Variants in BANP observed in about 807,000 individuals in gnomAD.
BANP encodes protein BANP.
In BANP, 11 loss-of-function variants were observed where a neutral mutation model predicts 68.1. That is an observed-to-expected ratio of 0.16 (90% confidence interval 0.10 to 0.27). BANP has a LOEUF of 0.27. Among genes scored for constraint, BANP ranks in the 10% least tolerant of loss-of-function variants. The pLI, the probability that BANP is intolerant of heterozygous loss-of-function variation, is 1.00. For missense variants in BANP, 504 were observed against 722.7 expected, an observed-to-expected ratio of 0.70 and a Z score of 3.47; for synonymous variants, 329 against 303.2, an observed-to-expected ratio of 1.09 and a Z score of -0.88.
At chr16:87,971,277 G>A (rs1472246988) in intron 1 of BANP, among the ~76,000 whole-genome samples, 1 of 133,736 alleles carries the variant, frequency 7.5e-6, no homozygotes, top group Non-Finnish European at 1.7e-5. Flanking sequence ...CTCTGTCTCA[G>A]TCCTGCGTGG....
intron 8 of BANP, among the ~76,000 whole-genome samples, chr16:88,030,304 A>G (rs2077884714): frequency 6.6e-6 from 1 of 152,242 alleles, no homozygotes; most frequent in African/African-American, 2.4e-5. Flanking sequence ...ATTGAAATCT[A>G]TTAAAATTAC....
intron 1 of BANP, among the ~76,000 whole-genome samples, chr16:87,958,630 G>C (rs2058553584): frequency 6.6e-6 from 1 of 152,212 alleles, no homozygotes; most frequent in South Asian, 2.1e-4. Context: ...GGGAATTGGA[G>C]GCTGCAGGGC....
chr16:88,023,495 C>T (rs1213652408), intron 7 of BANP, among the ~76,000 whole-genome samples: 4 of 150,856 alleles, frequency 2.7e-5, no homozygotes, highest in African/African-American at 4.9e-5. Context: ...AGCGCTGTCA[C>T]GTCGAGTCTG....
chr16:87,974,843 AAG>A (rs1289211603), intron 1 of BANP, among the ~76,000 whole-genome samples: 13 of 152,196 alleles, frequency 8.5e-5, no homozygotes, highest in Admixed American at 6.5e-5. Flanking sequence ...TGGTTAAGGA[AAG>A]AGGCAGCGGG....
chr16:88,032,392 G>C (rs2078384842), intron 8 of BANP, among the ~76,000 whole-genome samples: 1 of 151,966 alleles, frequency 6.6e-6, no homozygotes, highest in South Asian at 2.1e-4. Flanking sequence ...AGTAGAGATG[G>C]GGTTTCACCA....
In BANP at chr16:88,036,867, A is replaced by C. The variant is rs1443738886; in HGVS notation, c.1273-1106A>C. ...GGTGGGTCAGGGACCATCTCCTTGGAGATGTCAGGAGATGCGCCTGTCAGC... is the reference window on the plus strand; with the variant it reads ...GGTGGGTCAGGGACCATCTCCTTGGCGATGTCAGGAGATGCGCCTGTCAGC... On this transcript the variant is annotated intron_variant, in intron 10 of 13. Coordinates refer to ENST00000682872, the MANE Select transcript of BANP (RefSeq NM_001386991.1). This position sits in a 1 kb window ranked among gnomAD's most constrained non-coding sequence, Gnocchi z 4.2. Among the ~76,000 whole-genome samples, 1 of 152,016 alleles carries C rather than the reference A, an allele frequency of 6.6e-6. No homozygotes were observed. Among genetic ancestry groups the C allele is most frequent in the Non-Finnish European group, 1.5e-5 (1 of 67,992 alleles).
chr16:88,013,346 ACGGGCCCTCCCT>A (rs1273135701), intron 6 of BANP, among the ~76,000 whole-genome samples: 2 of 152,206 alleles, frequency 1.3e-5, no homozygotes, highest in African/African-American at 4.8e-5. Context: ...GCCTGACAGG[ACGGGCCCTCCCT>A]CAGTGCAGTG....
At chr16:88,045,261 G>A (rs1370757973) in intron 11 of BANP, among the ~76,000 whole-genome samples, 1 of 152,192 alleles carries the variant, frequency 6.6e-6, no homozygotes, top group African/African-American at 2.4e-5. Context: ...GGCATGGCTG[G>A]CCTTCTGTTG....
At chr16:88,016,980 C>T (rs2074722497) in intron 6 of BANP, among the ~76,000 whole-genome samples, 1 of 152,170 alleles carries the variant, frequency 6.6e-6, no homozygotes, top group African/African-American at 2.4e-5. Flanking sequence ...CCAGCCCTGC[C>T]CTGATATTTC....
In BANP at chr16:88,076,850, G is replaced by C; in HGVS notation, c.*189G>C. The C allele has an allele frequency of 3.4e-6, 2 of 585,574 alleles. No individual in the cohort carries two copies. The highest frequency in any genetic ancestry group is 3.0e-6 in the Non-Finnish European group (1 of 334,984). 36.3% of individuals were successfully genotyped at this position (585,574 alleles called of 1,614,324 possible). A position where few individuals can be genotyped will look rare whatever the true frequency, so the allele number is the denominator to read the frequency against. On this transcript the variant is annotated 3_prime_UTR_variant, in exon 14 of 14. Transcript: ENST00000682872. ...GAGCAGCCGCCGCCGCCCCCAGCCG[G>C]AGACCCCTTTCGTTTGAGTCCTGCT...
chr16:87,973,171 TC>T (rs1369583252), intron 1 of BANP, among the ~76,000 whole-genome samples: 1 of 152,006 alleles, frequency 6.6e-6, no homozygotes, highest in African/African-American at 2.4e-5. Context: ...TCTGTCTCAT[TC>T]CGTCTTTCCC....
At chr16:87,975,251 C>T (rs558404078) in intron 2 of BANP, 66 bp downstream of exon 2, 2 of 1,503,876 alleles carry the variant, frequency 1.3e-6, no homozygotes, top group Non-Finnish European at 1.8e-6. Context: ...AAAAGCTGCT[C>T]CAGTTATTTT....
chr16:87,967,920 C>CT (rs1486377713), intron 1 of BANP, among the ~76,000 whole-genome samples: 2 of 151,448 alleles, frequency 1.3e-5, no homozygotes, highest in Non-Finnish European at 2.9e-5. Context: ...CGTGCCTGGC[C>CT]TTTTTTTGGT....
intron 6 of BANP, among the ~76,000 whole-genome samples, chr16:88,015,383 CTGGGCG>C (rs1249259949): frequency 6.6e-6 from 1 of 152,246 alleles, no homozygotes; most frequent in Non-Finnish European, 1.5e-5. Flanking sequence ...TCGGACCACG[CTGGGCG>C]TGGGCGCCTG....
chr16:87,977,206 A>T (rs547103042), intron 2 of BANP, among the ~76,000 whole-genome samples: 2 of 152,296 alleles, frequency 1.3e-5, no homozygotes, highest in East Asian at 3.9e-4. Context: ...CGATGTCAGG[A>T]GATTGAGACC....
rs1403499907 is a variant in BANP, at chr16:88,003,996, A to G, written c.363-299A>G. On this transcript the variant is annotated intron_variant, in intron 4 of 13. Transcript: ENST00000682872. The surrounding 1 kb of genome is among the most constrained non-coding windows in gnomAD (Gnocchi z 6.1). Reference sequence around the variant, plus strand: ...TGCGGTTGCAGTCTATTCTGTCACAAGTTCAGCATCCTCAGCCCAGCTGTC... The same window carrying G: ...TGCGGTTGCAGTCTATTCTGTCACAGGTTCAGCATCCTCAGCCCAGCTGTC... The G allele has an allele frequency of 2.8e-5, 10 of 360,642 alleles. No homozygotes were observed. Among genetic ancestry groups the G allele is most frequent in the South Asian group, 7.5e-5 (3 of 39,810 alleles). The allele number at this position is 360,642 out of a possible 1,614,324, so 22.3% of individuals were successfully genotyped here. A position where few individuals can be genotyped will look rare whatever the true frequency, so the allele number is the denominator to read the frequency against.
intron 11 of BANP, among the ~76,000 whole-genome samples, chr16:88,050,456 G>A (rs1001912204): frequency 2.0e-5 from 3 of 151,832 alleles, no homozygotes; most frequent in African/African-American, 4.8e-5. Context: ...ATGCCCAGCC[G>A]ACAAGATGGT....
rs190035919 is a variant in BANP at position 88,032,085 on chromosome 16, G to C, written c.1064-1024G>C. Among the ~76,000 whole-genome samples the C allele has an allele frequency of 2.8e-3, 427 of 152,166 alleles. 1 individual carries two copies. Among genetic ancestry groups the C allele is most frequent in the African/African-American group, 9.7e-3 (401 of 41,508 alleles). On this transcript the variant is annotated intron_variant, in intron 8 of 13. Coordinates refer to ENST00000682872, the MANE Select transcript of BANP (RefSeq NM_001386991.1). ...CTCCCAAAGTGCTGGGATTACAGGCGTGAGCCACCGCGCCTGGCCCGCTTC... is the reference window on the plus strand; with the variant it reads ...CTCCCAAAGTGCTGGGATTACAGGCCTGAGCCACCGCGCCTGGCCCGCTTC...
At position 88,068,634 on chromosome 16, in the gene BANP, C is replaced by T. The variant is rs73235247; in HGVS notation, c.1377+3302C>T. Among the ~76,000 whole-genome samples the T allele has an allele frequency of 6.2e-3, 939 of 152,200 alleles. 13 individuals are homozygous for T. The highest frequency in any genetic ancestry group is 0.021 in the African/African-American group (888 of 41,526). On this transcript the variant is annotated intron_variant, in intron 12 of 13. Coordinates refer to ENST00000682872, the MANE Select transcript of BANP (RefSeq NM_001386991.1). ...GGTGCTGGCTGCCTCCTCCAGTGGG[C>T]GCCAGCTCGGGGTCTGTGGCAGGAA...
Sources: allele counts gnomAD v4.1 joint callset (sites outside exome capture counted in the v4.1 genomes callset), GRCh38; gene constraint gnomAD v4.1.1; non-coding constraint Gnocchi (gnomAD v3.1); transcripts MANE v1.5; gene names NCBI Gene and HGNC (gene_info 2026-07-23, HGNC 2026-07-21).